FRMD4B: variants seen among roughly 807,000 people sequenced by gnomAD.
The protein encoded by FRMD4B is FERM domain containing 4B.
Under a neutral mutation model 141.5 loss-of-function variants are expected in FRMD4B, and 74 were observed. The ratio of observed to expected loss-of-function variants is 0.52; its 90% confidence interval spans 0.43 to 0.63. The LOEUF is 0.63. Ranked by LOEUF, FRMD4B falls within the 30% of genes least tolerant of loss-of-function variation. FRMD4B has a pLI of 0.00. For missense variants in FRMD4B, 1,366 were observed against 1,253.4 expected (o/e 1.09, Z -1.36); for synonymous variants, 506 against 467.9 (o/e 1.08, Z -1.05).
intron 1 of FRMD4B, among the ~76,000 whole-genome samples, chr3:69,444,586 G>A (rs969047651): frequency 6.6e-6 from 1 of 152,166 alleles, no homozygotes; most frequent in Non-Finnish European, 1.5e-5. Context: ...GGTTACGCCT[G>A]ACTCTCACCC....
chr3:69,412,980 G>T (rs561378852), intron 2 of FRMD4B, among the ~76,000 whole-genome samples: 76 of 151,670 alleles, frequency 5.0e-4, no homozygotes, highest in Non-Finnish European at 1.0e-3. Flanking sequence ...TCACCGATGG[G>T]TCTCTGAGTT....
At chr3:69,392,379 CG>C (rs1382450140) in intron 2 of FRMD4B, among the ~76,000 whole-genome samples, 1 of 152,040 alleles carries the variant, frequency 6.6e-6, no homozygotes, top group Non-Finnish European at 1.5e-5. Flanking sequence ...AGGCTGAGTA[CG>C]GGAGAATCAG....
chr3:69,534,103 G>A (rs937751303), intron 1 of FRMD4B, among the ~76,000 whole-genome samples: 1 of 152,178 alleles, frequency 6.6e-6, no homozygotes, highest in Non-Finnish European at 1.5e-5. Flanking sequence ...TGATCCCCAA[G>A]TGGTTTGTGT....
chr3:69,434,943 C>T (rs1212376796), intron 1 of FRMD4B, among the ~76,000 whole-genome samples: 3 of 152,156 alleles, frequency 2.0e-5, no homozygotes, highest in Non-Finnish European at 4.4e-5. Flanking sequence ...TGGGGCCTCT[C>T]TCCTTGGCTT....
chr3:69,327,217 T>G (rs1702216066), intron 1 of FRMD4B, among the ~76,000 whole-genome samples: 1 of 152,208 alleles, frequency 6.6e-6, no homozygotes, highest in South Asian at 2.1e-4. Context: ...AACTGTCAGT[T>G]TTCTCTTTTC....
chr3:69,240,298 G>C (rs2093372181), intron 7 of FRMD4B, among the ~76,000 whole-genome samples: 1 of 151,668 alleles, frequency 6.6e-6, no homozygotes, highest in Non-Finnish European at 1.5e-5. Context: ...TGGCTAACAT[G>C]GTGAAAACCC....
intron 1 of FRMD4B, among the ~76,000 whole-genome samples, chr3:69,538,042 T>A (rs1284711227): frequency 2.0e-5 from 3 of 152,218 alleles, no homozygotes; most frequent in Admixed American, 2.0e-4. Flanking sequence ...TCATAGCTCA[T>A]TTTGAAACTT....
chr3:69,218,849 T>C (rs184767599), intron 9 of FRMD4B, among the ~76,000 whole-genome samples: 1 of 152,296 alleles, frequency 6.6e-6, no homozygotes, highest in African/African-American at 2.4e-5. Context: ...AATTATGGTA[T>C]GTAAACCTGA....
intron 7 of FRMD4B, among the ~76,000 whole-genome samples, chr3:69,233,945 C>T (rs1389955113): frequency 6.6e-6 from 1 of 152,088 alleles, no homozygotes; most frequent in African/African-American, 2.4e-5. Context: ...GTGATCATAG[C>T]AGCTACAAAA....
chr3:69,182,991 G>A (rs2092725246), intron 19 of FRMD4B, among the ~76,000 whole-genome samples: 1 of 152,196 alleles, frequency 6.6e-6, no homozygotes, highest in Non-Finnish European at 1.5e-5. Flanking sequence ...AAAGCAACTA[G>A]AGCTGTTTAT....
At position 69,291,574 on chromosome 3, in the gene FRMD4B, A is replaced by G. The variant is rs148139144; in HGVS notation, c.417-3738T>C. Among the ~76,000 whole-genome samples the G allele has an allele frequency of 4.1e-4, 62 of 152,226 alleles. No homozygotes were observed. In the East Asian group the frequency reaches 0.012, roughly 28 times the overall value. The stretch of plus-strand genomic sequence containing the variant: ...TGGGACACATTTTTTCTGCTCTACT[A>G]AAACTCCTTCATCATGGTGTGGGTA... On this transcript the variant is annotated intron_variant, in intron 4 of 22. Transcript: ENST00000398540.
intron 5 of FRMD4B, among the ~76,000 whole-genome samples, chr3:69,254,807 T>G (rs1327043193): frequency 1.3e-5 from 2 of 152,116 alleles, no homozygotes; most frequent in African/African-American, 2.4e-5. Context: ...GATGTGAGAA[T>G]TAGCTCTCAA....
intron 1 of FRMD4B, among the ~76,000 whole-genome samples, chr3:69,497,594 A>G (rs1706423114): frequency 1.3e-5 from 2 of 152,182 alleles, no homozygotes; most frequent in African/African-American, 4.8e-5. Flanking sequence ...AGTAATAATA[A>G]TAATGTCTTC....
chr3:69,210,126 G>T (rs2093061547), intron 11 of FRMD4B, among the ~76,000 whole-genome samples: 1 of 152,224 alleles, frequency 6.6e-6, no homozygotes, highest in Non-Finnish European at 1.5e-5. Context: ...CACATGCCCT[G>T]TGGTGATGAA....
intron 2 of FRMD4B, among the ~76,000 whole-genome samples, chr3:69,426,273 T>C (rs764013055): frequency 6.6e-6 from 1 of 152,200 alleles, no homozygotes; most frequent in Non-Finnish European, 1.5e-5. Flanking sequence ...GCTGGGGCTG[T>C]AATGAATAGG....
At chr3:69,347,176 G>A (rs1575752943) in intron 1 of FRMD4B, among the ~76,000 whole-genome samples, 1 of 152,132 alleles carries the variant, frequency 6.6e-6, no homozygotes, top group African/African-American at 2.4e-5. Flanking sequence ...GGCAAGGGTT[G>A]CAATCCTAGT....
intron 1 of FRMD4B, among the ~76,000 whole-genome samples, chr3:69,327,514 A>G (rs1416399218): frequency 6.6e-6 from 1 of 152,208 alleles, no homozygotes; most frequent in East Asian, 1.9e-4. Context: ...TATGGAGTAC[A>G]TGCTTACTCT....
intron 11 of FRMD4B, among the ~76,000 whole-genome samples, chr3:69,202,540 T>G (rs902201136): frequency 6.6e-6 from 1 of 151,500 alleles, no homozygotes; most frequent in Admixed American, 6.6e-5. Flanking sequence ...AGTATGGAAC[T>G]AGAATGTGTT....
At chr3:69,233,550 A>C (rs912718350) in intron 7 of FRMD4B, among the ~76,000 whole-genome samples, 1 of 152,134 alleles carries the variant, frequency 6.6e-6, no homozygotes, top group African/African-American at 2.4e-5. Context: ...ATTGTAACTC[A>C]AAATCCTTAT....
Sources: gnomAD v4.1 joint callset for allele counts (sites outside exome capture counted in the v4.1 genomes callset) on GRCh38, gnomAD v4.1.1 for gene constraint, MANE v1.5 for transcripts, NCBI Gene and HGNC (gene_info 2026-07-23, HGNC 2026-07-21) for gene names.